The following TOGARAM1 variants were observed in gnomAD, a reference collection of about 807,000 sequenced individuals.
TOGARAM1 encodes TOG array regulator of axonemal microtubules 1, also known as TOG array regulator of axonemal microtubules protein 1.
Under a neutral mutation model 166.6 loss-of-function variants are expected in TOGARAM1, and 100 were observed. That is an observed-to-expected ratio of 0.60 (90% CI 0.51 to 0.71). The LOEUF is 0.71. Ranked by LOEUF, TOGARAM1 falls within the 30% of genes least tolerant of loss-of-function variation. The pLI is 0.00. For synonymous variants in TOGARAM1, 758 were observed against 763.8 expected, an observed-to-expected ratio of 0.99 and a Z score of 0.13; for missense variants, 2,029 against 2,102.7, an observed-to-expected ratio of 0.96 and a Z score of 0.69.
intron 14 of TOGARAM1, among the ~76,000 whole-genome samples, chr14:45,048,055 CAAAAA>C (rs1258401220): frequency 1.1e-5 from 1 of 88,014 alleles, no homozygotes. Context: ...GACTCCATCT[CAAAAA>C]AAAAAAAAAA....
At chr14:44,991,762 G>A (rs1231812793) in intron 1 of TOGARAM1, among the ~76,000 whole-genome samples, 1 of 151,362 alleles carries the variant, frequency 6.6e-6, no homozygotes, top group Non-Finnish European at 1.5e-5. Context: ...ATTGAAGAAT[G>A]TTTACATATA....
intron 16 of TOGARAM1, among the ~76,000 whole-genome samples, chr14:45,065,934 G>A (rs970293588): frequency 6.6e-6 from 1 of 152,186 alleles, no homozygotes; most frequent in Non-Finnish European, 1.5e-5. Context: ...AAGGCTGCTT[G>A]CAAGGTTAGC....
rs1885312145 is a variant in TOGARAM1 at position 44,963,318 on chromosome 14, G to T, written c.897G>T (p.Leu299=). ...QDRFQSYISR[L]PSALRRHYNR... ...GGTTTCAATCTTACATTTCTCGTCT[G>T]CCCTCTGCCCTGAGGAGACACTACA... Residue 299 remains leucine (L), a synonymous_variant, in exon 1 of 20, where the codon CTG becomes CTT. Transcript: ENST00000361462. The T allele has an allele frequency of 5.0e-6, 8 of 1,614,058 alleles. No individual in the cohort carries two copies. Among genetic ancestry groups the T allele is most frequent in the Non-Finnish European group, 6.8e-6 (8 of 1,180,028 alleles).
intron 1 of TOGARAM1, among the ~76,000 whole-genome samples, chr14:44,994,655 G>A (rs569399827): frequency 6.6e-6 from 1 of 152,294 alleles, no homozygotes; most frequent in African/African-American, 2.4e-5. Context: ...CTGGGCCCAA[G>A]TGATCCACCT....
At position 45,032,468 on chromosome 14, in the gene TOGARAM1, A is replaced by C. The variant is rs1279931926; in HGVS notation, c.3812+92A>C. The C allele has an allele frequency of 2.4e-6, 3 of 1,236,676 alleles. No individual in the cohort carries two copies. In the Admixed American group the frequency reaches 8.0e-5, roughly 33 times the overall value. The allele number at this position is 1,236,676 out of a possible 1,614,324, so 76.6% of individuals were successfully genotyped here. ...AAATCTTGAAACACATTTTCTATTA[A>C]AATAATCTTAGAAATGATTATTTAG... On this transcript the variant is annotated intron_variant, in intron 11 of 19. Transcript: ENST00000361462.
At chr14:45,005,685 C>T (rs899245554) in intron 4 of TOGARAM1, among the ~76,000 whole-genome samples, 2 of 152,136 alleles carry the variant, frequency 1.3e-5, no homozygotes, top group Admixed American at 1.3e-4. Flanking sequence ...GATTTTCTTT[C>T]CCCAGCCATT....
At chr14:45,009,873 C>T (rs887040877) in intron 6 of TOGARAM1, among the ~76,000 whole-genome samples, 2 of 152,044 alleles carry the variant, frequency 1.3e-5, no homozygotes, top group African/African-American at 4.8e-5. Context: ...AGACAAAAAC[C>T]TAGTAATAGA....
intron 1 of TOGARAM1, among the ~76,000 whole-genome samples, chr14:44,994,978 G>A (rs1887344589): frequency 6.6e-6 from 1 of 152,140 alleles, no homozygotes; most frequent in Admixed American, 6.5e-5. Context: ...TCCTGTCAAT[G>A]CATTCAGTTT....
At chr14:45,012,985 A>C (rs1298534180) in intron 7 of TOGARAM1, among the ~76,000 whole-genome samples, 1 of 152,114 alleles carries the variant, frequency 6.6e-6, no homozygotes, top group Non-Finnish European at 1.5e-5. Flanking sequence ...AAATCTGACT[A>C]TACTGGCCAG....
intron 19 of TOGARAM1, among the ~76,000 whole-genome samples, 159 bp from the exon 20 acceptor site, chr14:45,073,136 TG>T (rs1235763257): frequency 6.6e-6 from 1 of 152,236 alleles, no homozygotes; most frequent in Non-Finnish European, 1.5e-5. Context: ...TCCCAATCTT[TG>T]AGAGAAAGGT....
chr14:45,011,951 T>C, intron 6 of TOGARAM1, 24 bp from the exon 7 acceptor site: 1 of 1,522,834 alleles, frequency 6.6e-7, no homozygotes, highest in South Asian at 1.2e-5. Context: ...TAATGTTTAT[T>C]GAAATTACTT....
chr14:45,033,521 C>T (rs1299454236), intron 11 of TOGARAM1, among the ~76,000 whole-genome samples: 3 of 152,096 alleles, frequency 2.0e-5, no homozygotes, highest in Non-Finnish European at 4.4e-5. Context: ...TATATGAAAA[C>T]TTTACTCATT....
At chr14:44,969,625 C>G (rs536030902) in intron 1 of TOGARAM1, among the ~76,000 whole-genome samples, 1 of 152,270 alleles carries the variant, frequency 6.6e-6, no homozygotes, top group East Asian at 1.9e-4. Flanking sequence ...CATCACCATA[C>G]CCAAGGTCAT....
intron 7 of TOGARAM1, among the ~76,000 whole-genome samples, chr14:45,023,604 G>A (rs149778724): frequency 4.6e-4 from 70 of 152,190 alleles, no homozygotes; most frequent in African/African-American, 1.5e-3. Context: ...TTGCAAGCTC[G>A]TCCCTCAGAC....
intron 3 of TOGARAM1, 76 bp downstream of exon 3, chr14:44,999,573 T>C: frequency 1.6e-6 from 2 of 1,284,096 alleles, no homozygotes; most frequent in Non-Finnish European, 2.1e-6. Context: ...ACTTATATGA[T>C]ATTTTGTGTA....
chr14:45,058,625 T>G lies in TOGARAM1; in HGVS notation c.4559+4076T>G, dbSNP rs537253052. ...TCTTTTTCTACCCCTTTAATTTTAG[T>G]CTATGTGTCTTTTCAGCTAGAGTGA... On this transcript the variant is annotated intron_variant, in intron 16 of 19. Coordinates refer to ENST00000361462, the MANE Select transcript of TOGARAM1 (RefSeq NM_001308120.2). 3.9e-5 allele frequency among the ~76,000 whole-genome samples: 6 copies of G among 152,238 alleles called. No homozygotes were observed. The South Asian group carries it at 1.2e-3, about 32-fold the overall frequency.
chr14:45,043,367 A>G (rs1164521871), intron 11 of TOGARAM1, among the ~76,000 whole-genome samples: 1 of 151,986 alleles, frequency 6.6e-6, no homozygotes, highest in Non-Finnish European at 1.5e-5. Context: ...CAGTAGAGAC[A>G]GCGTTTCACC....
At chr14:45,072,372 T>C (rs1374752854) in intron 19 of TOGARAM1, among the ~76,000 whole-genome samples, 3 of 152,080 alleles carry the variant, frequency 2.0e-5, no homozygotes, top group African/African-American at 7.2e-5. Flanking sequence ...ATCTCCTGGT[T>C]AGAGAGAATT....
chr14:44,989,338 A>C (rs1388212627), intron 1 of TOGARAM1, among the ~76,000 whole-genome samples: 1 of 152,184 alleles, frequency 6.6e-6, no homozygotes, highest in Non-Finnish European at 1.5e-5. Context: ...TTAGCTTTAG[A>C]GTTCCGAAGT....
Sources: gnomAD v4.1 joint callset for allele counts (sites outside exome capture counted in the v4.1 genomes callset) on GRCh38, gnomAD v4.1.1 for gene constraint, MANE v1.5 for transcripts, NCBI Gene and HGNC (gene_info 2026-07-23, HGNC 2026-07-21) for gene names.